The following PDE1C variants were observed in gnomAD, a reference collection of about 807,000 sequenced individuals.
The protein encoded by PDE1C is dual specificity calcium/calmodulin-dependent 3',5'-cyclic nucleotide phosphodiesterase 1C.
In PDE1C, 62 loss-of-function variants were observed where a neutral mutation model predicts 93.1. That is an observed-to-expected ratio of 0.67 (90% CI 0.54 to 0.82). The LOEUF (loss-of-function observed/expected upper bound fraction) is 0.82. PDE1C is among the 40% of genes least tolerant of loss of function. The pLI, the probability that PDE1C is intolerant of heterozygous loss-of-function variation, is 0.00. For missense variants in PDE1C, 742 were observed against 884.6 expected (o/e 0.84, Z 2.04); for synonymous variants, 325 against 310.1 (o/e 1.05, Z -0.50).
chr7:32,197,355 A>C (rs1006083332), intron 2 of PDE1C, among the ~76,000 whole-genome samples: 2 of 152,204 alleles, frequency 1.3e-5, no homozygotes, highest in Non-Finnish European at 2.9e-5. Context: ...ACAGAAATAT[A>C]AAAGAGTAAA....
At chr7:31,627,229 G>C in the PDE1C span, among the ~76,000 whole-genome samples, 1 of 152,138 alleles carries the variant, frequency 6.6e-6, no homozygotes, top group African/African-American at 2.4e-5. Context: ...GTAAATGATT[G>C]TTACATGAAT....
At chr7:32,207,870 G>T (rs1805712318) in intron 2 of PDE1C, among the ~76,000 whole-genome samples, 1 of 152,176 alleles carries the variant, frequency 6.6e-6, no homozygotes. Context: ...GTCTTGTAGT[G>T]AGCCTCTGGG....
At chr7:31,757,848 G>A (rs1022874110) in intron 17 of PDE1C, among the ~76,000 whole-genome samples, 2 of 152,088 alleles carry the variant, frequency 1.3e-5, no homozygotes, top group Admixed American at 6.5e-5. Context: ...ACATGCACAC[G>A]TATGTTTATT....
At chr7:31,767,467 G>A (rs1795218471) in intron 17 of PDE1C, among the ~76,000 whole-genome samples, 1 of 152,102 alleles carries the variant, frequency 6.6e-6, no homozygotes, top group Admixed American at 6.6e-5. Flanking sequence ...TGAAGTGCTG[G>A]CTCCCCCTTC....
At chr7:32,295,336 G>A (rs947168127) in intron 1 of PDE1C, among the ~76,000 whole-genome samples, 12 of 152,184 alleles carry the variant, frequency 7.9e-5, no homozygotes, top group African/African-American at 2.9e-4. Flanking sequence ...CCGGGCTGAC[G>A]GGTCAGGGCA....
chr7:31,961,098 GAATT>G (rs1349290363), intron 2 of PDE1C, among the ~76,000 whole-genome samples: 1 of 152,188 alleles, frequency 6.6e-6, no homozygotes, highest in African/African-American at 2.4e-5. Flanking sequence ...GAGAAGCAAT[GAATT>G]AATTAAGTTT....
At chr7:32,327,878 G>T (rs1454244509) in intron 1 of PDE1C, among the ~76,000 whole-genome samples, 1 of 150,988 alleles carries the variant, frequency 6.6e-6, no homozygotes, top group Non-Finnish European at 1.5e-5. Flanking sequence ...TTTGCACATA[G>T]ACATAGTTCC....
intron 3 of PDE1C, among the ~76,000 whole-genome samples, chr7:32,095,839 T>C (rs1022842099): frequency 6.6e-6 from 1 of 152,164 alleles, no homozygotes; most frequent in African/African-American, 2.4e-5. Context: ...GAACACTGCC[T>C]GCAGAATAGG....
chr7:32,067,964 C>A (rs1795596049), intron 1 of PDE1C, among the ~76,000 whole-genome samples: 1 of 151,984 alleles, frequency 6.6e-6, no homozygotes. Flanking sequence ...ATGAAAAATT[C>A]AACAATAAAT....
At chr7:32,063,833 C>T (rs2128714800) in intron 1 of PDE1C, among the ~76,000 whole-genome samples, 1 of 152,272 alleles carries the variant, frequency 6.6e-6, no homozygotes, top group South Asian at 2.1e-4. Flanking sequence ...AATTATTGCC[C>T]TCTTTTTTGT....
intron 2 of PDE1C, among the ~76,000 whole-genome samples, chr7:31,887,368 TAAAAG>T (rs199688392): frequency 0.019 from 2,819 of 152,282 alleles, 42 homozygotes; most frequent in African/African-American, 0.033. Context: ...ATGCTATAAA[TAAAAG>T]AGAATTTTAC....
At chr7:32,016,126 A>G (rs1787874239) in intron 2 of PDE1C, among the ~76,000 whole-genome samples, 1 of 152,220 alleles carries the variant, frequency 6.6e-6, no homozygotes, top group South Asian at 2.1e-4. Flanking sequence ...TGACTACAGA[A>G]CTGTCCTGAG....
chr7:31,892,564 G>A (rs1798777404), intron 2 of PDE1C, among the ~76,000 whole-genome samples: 2 of 152,126 alleles, frequency 1.3e-5, no homozygotes, highest in Admixed American at 6.5e-5. Context: ...TTTGAGGGTG[G>A]CTTCACTATG....
At chr7:31,864,590 T>G (rs1025853431) in intron 7 of PDE1C, among the ~76,000 whole-genome samples, 2 of 152,218 alleles carry the variant, frequency 1.3e-5, no homozygotes, top group African/African-American at 4.8e-5. Context: ...GAATACAATT[T>G]CAGTATACAT....
At chr7:31,835,953 C>G (rs1403984997) in intron 11 of PDE1C, among the ~76,000 whole-genome samples, 1 of 152,100 alleles carries the variant, frequency 6.6e-6, no homozygotes, top group African/African-American at 2.4e-5. Flanking sequence ...AAATAAATAG[C>G]AAAAGAGCCC....
chr7:31,712,216 C>A, the PDE1C span, among the ~76,000 whole-genome samples: 1,002 of 152,280 alleles, frequency 6.6e-3, 9 homozygotes, highest in African/African-American at 0.023. Context: ...TTTTGTACCA[C>A]TTGTCCTTTG....
chr7:31,848,608 A>C (rs1260252099), intron 8 of PDE1C, among the ~76,000 whole-genome samples: 1 of 152,192 alleles, frequency 6.6e-6, no homozygotes, highest in East Asian at 1.9e-4. Flanking sequence ...ATTGAGAATA[A>C]AGAATATAAA....
At chr7:32,301,716 G>A (rs548898274), upstream of PDE1C, among the ~76,000 whole-genome samples, 134 of 152,274 alleles carry the variant, frequency 8.8e-4, no homozygotes, top group Non-Finnish European at 1.5e-3. Flanking sequence ...AAAGAAGCAC[G>A]GCTTTTGTTT....
At chr7:31,788,537 A>C (rs1380414886) in intron 16 of PDE1C, 4 of 152,138 alleles carry the variant, frequency 2.6e-5, no homozygotes, top group African/African-American at 7.2e-5. Context: ...TTTTGACAGC[A>C]CCCACCCTCT....
Sources: gnomAD v4.1 joint callset for allele counts (sites outside exome capture counted in the v4.1 genomes callset) on GRCh38, gnomAD v4.1.1 for gene constraint, MANE v1.5 for transcripts, NCBI Gene and HGNC (gene_info 2026-07-23, HGNC 2026-07-21) for gene names.